EXOC2: variants seen among roughly 807,000 people sequenced by gnomAD.
EXOC2 encodes exocyst complex component 2.
A neutral mutation model predicts 131.8 loss-of-function variants in EXOC2; 70 were observed. The ratio of observed to expected loss-of-function variants is 0.53; its 90% CI spans 0.44 to 0.65. The LOEUF (loss-of-function observed/expected upper bound fraction) is 0.65. Ranked by LOEUF, EXOC2 falls within the 30% of genes least tolerant of loss-of-function variation. The pLI is 0.00. For missense variants in EXOC2, 923 were observed against 1,108.6 expected (o/e 0.83, Z 2.38); for synonymous variants, 411 against 398.4 (o/e 1.03, Z -0.38).
chr6:596,752 CAATAAACT>C (rs1432437511), intron 10 of EXOC2, among the ~76,000 whole-genome samples: 2 of 152,060 alleles, frequency 1.3e-5, no homozygotes, highest in Non-Finnish European at 2.9e-5. Flanking sequence ...ACTGAATAGT[CAATAAACT>C]TCACTAATTC....
chr6:633,210 CAAT>C, intron 2 of EXOC2, 93 bp from the exon 3 acceptor site: 2 of 1,336,056 alleles, frequency 1.5e-6, no homozygotes, highest in East Asian at 2.4e-5. Context: ...TAGTCTTGTT[CAAT>C]AATGACATTA....
chr6:692,410 G>A (rs896581823), intron 1 of EXOC2, among the ~76,000 whole-genome samples: 9 of 152,238 alleles, frequency 5.9e-5, no homozygotes, highest in African/African-American at 2.2e-4. Flanking sequence ...CGGCGCGCAA[G>A]GTCTCAATGG....
intron 6 of EXOC2, among the ~76,000 whole-genome samples, chr6:613,933 C>T (rs1288063646): frequency 6.6e-6 from 1 of 151,844 alleles, no homozygotes; most frequent in Non-Finnish European, 1.5e-5. Context: ...AATCCTGCCA[C>T]ATGTAGCAAC....
At chr6:498,732 T>G (rs1763875407) in intron 24 of EXOC2, among the ~76,000 whole-genome samples, 1 of 152,188 alleles carries the variant, frequency 6.6e-6, no homozygotes, top group South Asian at 2.1e-4. Flanking sequence ...TTTTTTCAGT[T>G]TACCTTGATG....
At chr6:677,344 T>C (rs1764193710) in intron 1 of EXOC2, among the ~76,000 whole-genome samples, 1 of 152,298 alleles carries the variant, frequency 6.6e-6, no homozygotes, top group Non-Finnish European at 1.5e-5. Flanking sequence ...TTTTTGTGTT[T>C]AGTGCACAGT....
At chr6:524,889 A>C (rs1233286820) in intron 23 of EXOC2, 1 of 12,680 alleles carries the variant, frequency 7.9e-5, no homozygotes, top group African/African-American at 8.4e-4. Flanking sequence ...GTTTCCATCG[A>C]GTGTTTCTTT....
At chr6:490,887 A>G (rs773078044) in intron 26 of EXOC2, among the ~76,000 whole-genome samples, 75 of 152,242 alleles carry the variant, frequency 4.9e-4, no homozygotes, top group Non-Finnish European at 7.9e-4. Context: ...TTTTGCTTTA[A>G]GAAGTATGTC....
intron 10 of EXOC2, among the ~76,000 whole-genome samples, chr6:597,510 C>T (rs1400995726): frequency 6.6e-6 from 1 of 152,150 alleles, no homozygotes; most frequent in Non-Finnish European, 1.5e-5. Context: ...AAAAAGTATG[C>T]TCACTTAGTG....
At chr6:637,989 A>G (rs1156359163) in intron 1 of EXOC2, 128 bp from the exon 2 acceptor site, 1 of 617,252 alleles carries the variant, frequency 1.6e-6, no homozygotes, top group African/African-American at 1.9e-5. Flanking sequence ...TGAATTTTTT[A>G]GGGGTCATTT....
rs1479139024 is a variant in EXOC2 at position 485,469 on chromosome 6, A to G, written c.*1202T>C. 1 of 152,190 alleles carries G rather than the reference A, an allele frequency of 6.6e-6. No homozygotes were observed. Among genetic ancestry groups the G allele is most frequent in the Non-Finnish European group, 1.5e-5 (1 of 68,036 alleles). 9.4% of individuals were successfully genotyped at this position (152,190 alleles called of 1,614,324 possible). ...AATGAGGACATTAATTTTAGCATTT[A>G]AAAAAAGAGATTTAAAAATAACCAT... On this transcript the variant is annotated 3_prime_UTR_variant, in exon 28 of 28. Coordinates refer to ENST00000230449, the MANE Select transcript of EXOC2 (RefSeq NM_018303.6).
chr6:538,069 A>G (rs1312227088), intron 22 of EXOC2, among the ~76,000 whole-genome samples: 1 of 152,208 alleles, frequency 6.6e-6, no homozygotes, highest in Admixed American at 6.5e-5. Context: ...TTTTTAAAAA[A>G]AGAAGGGAAA....
At position 491,108 on chromosome 6, in the gene EXOC2, A is replaced by G; in HGVS notation, c.2621+17T>C. The G allele has an allele frequency of 6.2e-7, 1 of 1,613,930 alleles. No homozygotes were observed. The highest frequency in any genetic ancestry group is 8.5e-7 in the Non-Finnish European group (1 of 1,179,764). ...TATTTTTAATAGAGCACTCAACTAA[A>G]GAACACTGCCACTTACTTGCTTTCG... is the stretch of plus-strand genomic sequence containing the variant. On this transcript the variant is annotated intron_variant, in intron 26 of 27. Coordinates refer to ENST00000230449, the MANE Select transcript of EXOC2 (RefSeq NM_018303.6).
intron 1 of EXOC2, among the ~76,000 whole-genome samples, chr6:687,483 C>G (rs376230958): frequency 6.6e-6 from 1 of 152,082 alleles, no homozygotes; most frequent in African/African-American, 2.4e-5. Flanking sequence ...TGAACTTATC[C>G]TCAAATAATA....
At chr6:666,148 A>G (rs1763635362) in intron 1 of EXOC2, among the ~76,000 whole-genome samples, 1 of 152,134 alleles carries the variant, frequency 6.6e-6, no homozygotes, top group Non-Finnish European at 1.5e-5. Context: ...AGAGTGTGCC[A>G]ATCCGTTAGG....
At chr6:653,580 A>AAAAGG (rs1581633634) in intron 1 of EXOC2, among the ~76,000 whole-genome samples, 1 of 152,250 alleles carries the variant, frequency 6.6e-6, no homozygotes, top group African/African-American at 2.4e-5. Flanking sequence ...GCTGCAGAAG[A>AAAAGG]AAAGGCTGTA....
chr6:568,012 T>G (rs1375995879), intron 13 of EXOC2, among the ~76,000 whole-genome samples: 1 of 152,250 alleles, frequency 6.6e-6, no homozygotes. Context: ...TTAGGAGGAC[T>G]GCTTTGCTTG....
intron 17 of EXOC2, among the ~76,000 whole-genome samples, chr6:557,180 A>G (rs1757457477): frequency 6.6e-6 from 1 of 152,214 alleles, no homozygotes; most frequent in South Asian, 2.1e-4. Context: ...ACTCTAGGTT[A>G]AGGAAGATAC....
At chr6:488,523 A>G (rs972145218) in intron 27 of EXOC2, among the ~76,000 whole-genome samples, 2 of 152,158 alleles carry the variant, frequency 1.3e-5, no homozygotes, top group African/African-American at 4.8e-5. Context: ...GTGCACATCT[A>G]CTTTCATAAC....
At chr6:585,395 T>C (rs1011856489) in intron 11 of EXOC2, among the ~76,000 whole-genome samples, 1 of 152,208 alleles carries the variant, frequency 6.6e-6, no homozygotes. Context: ...GGCCTCGTGT[T>C]ATACTCCGAA....
Sources: gnomAD v4.1 joint callset for allele counts (sites outside exome capture counted in the v4.1 genomes callset) on GRCh38, gnomAD v4.1.1 for gene constraint, MANE v1.5 for transcripts, NCBI Gene and HGNC (gene_info 2026-07-23, HGNC 2026-07-21) for gene names.